Variants in CFAP43 observed in about 807,000 individuals in gnomAD.
CFAP43 encodes the protein cilia- and flagella-associated protein 43.
A neutral mutation model predicts 218.9 loss-of-function variants in CFAP43; 155 were observed. The observed-to-expected ratio is 0.71, with a 90% CI of 0.62 to 0.81. The LOEUF is 0.81. Ranked by LOEUF, CFAP43 falls within the 30% of genes least tolerant of loss-of-function variation. CFAP43 has a pLI of 0.00. For synonymous variants in CFAP43, 645 were observed against 681.3 expected (o/e 0.95, Z 0.83); for missense variants, 1,778 against 1,954.3 (o/e 0.91, Z 1.70).
intron 4 of CFAP43, among the ~76,000 whole-genome samples, chr10:104,212,418 G>T (rs1018719343): frequency 6.6e-6 from 1 of 152,176 alleles, no homozygotes; most frequent in South Asian, 2.1e-4. Context: ...TTGAATACTG[G>T]ATGAGGGTCG....
chr10:104,170,155 T>C (rs2089347875), intron 20 of CFAP43, among the ~76,000 whole-genome samples: 1 of 152,002 alleles, frequency 6.6e-6, no homozygotes, highest in Non-Finnish European at 1.5e-5. Context: ...GCCACTGTTG[T>C]ACCTAATCTG....
At chr10:104,201,960 C>A (rs1018474698) in intron 8 of CFAP43, among the ~76,000 whole-genome samples, 5 of 152,128 alleles carry the variant, frequency 3.3e-5, no homozygotes, top group African/African-American at 9.7e-5. Flanking sequence ...TAATTATTTT[C>A]TTTCATTACA....
chr10:104,194,505 G>C (rs1422216474), intron 10 of CFAP43, among the ~76,000 whole-genome samples: 1 of 152,100 alleles, frequency 6.6e-6, no homozygotes, highest in Admixed American at 6.6e-5. Flanking sequence ...GAGTCGCTGG[G>C]ATTACAGGTT....
intron 9 of CFAP43, 84 bp from the exon 10 acceptor site, chr10:104,197,017 C>A: frequency 9.3e-7 from 1 of 1,073,602 alleles, no homozygotes; most frequent in South Asian, 1.5e-5. Flanking sequence ...TCCAGTGTGC[C>A]AATGATTTAG....
chr10:104,151,133 C>A (rs1049625271), intron 28 of CFAP43, among the ~76,000 whole-genome samples: 20 of 152,304 alleles, frequency 1.3e-4, no homozygotes, highest in Middle Eastern at 3.4e-3. Flanking sequence ...TTTTCTCAAT[C>A]CAGTTTATCA....
chr10:104,151,610 A>C (rs1227206511), intron 28 of CFAP43, among the ~76,000 whole-genome samples: 1 of 151,732 alleles, frequency 6.6e-6, no homozygotes, highest in African/African-American at 2.4e-5. Context: ...TTTTCTTGTA[A>C]ATTTAAGTTC....
At chr10:104,173,258 T>G (rs868108252) in intron 19 of CFAP43, among the ~76,000 whole-genome samples, 2 of 152,130 alleles carry the variant, frequency 1.3e-5, no homozygotes, top group Non-Finnish European at 2.9e-5. Context: ...AAGAAGTATA[T>G]AGCATAGATA....
rs768529730 is a variant in CFAP43 at position 104,214,287 on chromosome 10, T to G, written c.556A>C (p.Ser186Arg). The part of the protein sequence containing the change: ...STVSVWTIER[S>R]NQEHCFRARS... Reference sequence around the variant, plus strand: ...GCTCTGAAACAATGCTCCTGGTTACTTCTTTCAATGGTCCACACGCTCACT... The same window carrying G: ...GCTCTGAAACAATGCTCCTGGTTACGTCTTTCAATGGTCCACACGCTCACT... The change falls in exon 4 of 38, where the codon AGT becomes CGT. Residue 186 changes from serine to arginine, a missense_variant. Coordinates refer to ENST00000357060, the MANE Select transcript of CFAP43 (RefSeq NM_025145.7). 5 of 1,599,092 alleles carry G rather than the reference T, an allele frequency of 3.1e-6. No individual in the cohort carries two copies. The South Asian group carries it at 5.7e-5, about 18-fold the overall frequency.
chr10:104,133,857 G>T, intron 34 of CFAP43, 73 bp from the exon 35 acceptor site: 1 of 1,278,952 alleles, frequency 7.8e-7, no homozygotes, highest in Non-Finnish European at 1.1e-6. Flanking sequence ...GAGGCTGAAT[G>T]CTATTTTTAG....
At chr10:104,192,100 A>C in intron 12 of CFAP43, 99 bp downstream of exon 12, 1 of 892,018 alleles carries the variant, frequency 1.1e-6, no homozygotes, top group Non-Finnish European at 1.7e-6. Context: ...ATATGCCACA[A>C]ATAATTGTTT....
At chr10:104,168,044 T>G (rs1276402018) in intron 21 of CFAP43, among the ~76,000 whole-genome samples, 1 of 152,166 alleles carries the variant, frequency 6.6e-6, no homozygotes, top group Non-Finnish European at 1.5e-5. Flanking sequence ...CAACTTTTTT[T>G]TATTGTAATT....
intron 18 of CFAP43, 40 bp from the exon 19 acceptor site, chr10:104,179,146 A>T: frequency 6.9e-7 from 1 of 1,452,504 alleles, no homozygotes; most frequent in Non-Finnish European, 9.5e-7. Context: ...AAGCAAGAGA[A>T]ATATCAGACA....
intron 24 of CFAP43, among the ~76,000 whole-genome samples, chr10:104,163,017 G>T (rs1271029230): frequency 1.3e-5 from 2 of 152,172 alleles, no homozygotes; most frequent in East Asian, 3.8e-4. Flanking sequence ...GAGAGCAGCA[G>T]AGTGAGGTCC....
chr10:104,213,007 C>T (rs950277440), intron 4 of CFAP43, among the ~76,000 whole-genome samples: 3 of 152,158 alleles, frequency 2.0e-5, no homozygotes, highest in East Asian at 1.9e-4. Context: ...TTGAGTAGAA[C>T]GTTTGAGGGA....
At chr10:104,193,797 A>C in intron 11 of CFAP43, 69 bp downstream of exon 11, 2 of 1,531,588 alleles carry the variant, frequency 1.3e-6, no homozygotes, top group Non-Finnish European at 1.8e-6. Flanking sequence ...AAAAGAAAGG[A>C]TGGCTTCACT....
chr10:104,192,489 A>T, intron 11 of CFAP43, 187 bp from the exon 12 acceptor site: 1 of 543,994 alleles, frequency 1.8e-6, no homozygotes, highest in Non-Finnish European at 3.2e-6. Context: ...ACTTTAGGCC[A>T]ATGATATTTC....
At chr10:104,184,676 A>C (rs1024231123) in intron 16 of CFAP43, among the ~76,000 whole-genome samples, 1 of 152,070 alleles carries the variant, frequency 6.6e-6, no homozygotes, top group African/African-American at 2.4e-5. Flanking sequence ...CCCAGGGCCA[A>C]GTATGAGACA....
chr10:104,232,025 G>A (rs1589832802), intron 1 of CFAP43, among the ~76,000 whole-genome samples, 157 bp downstream of exon 1: 2 of 152,068 alleles, frequency 1.3e-5, no homozygotes, highest in African/African-American at 4.8e-5. Context: ...GGTCACACGG[G>A]GAGGGAGGCT....
intron 6 of CFAP43, 55 bp downstream of exon 6, chr10:104,207,610 C>A: frequency 2.0e-6 from 3 of 1,519,926 alleles, no homozygotes; most frequent in South Asian, 1.3e-5. Flanking sequence ...TAGGGAAAAC[C>A]AAAAAAACCA....
Sources: allele counts gnomAD v4.1 joint callset (sites outside exome capture counted in the v4.1 genomes callset), GRCh38; gene constraint gnomAD v4.1.1; transcripts MANE v1.5; gene names NCBI Gene and HGNC (gene_info 2026-07-23, HGNC 2026-07-21).